The following MAGI1 variants were observed in gnomAD, a reference collection of about 807,000 sequenced individuals.
The protein encoded by MAGI1 is membrane associated guanylate kinase, WW and PDZ domain containing 1.
MAGI1 carries 58 observed loss-of-function variants against 139.9 expected under a neutral mutation model. That is an observed-to-expected ratio of 0.41 (90% CI 0.34 to 0.52). The LOEUF (loss-of-function observed/expected upper bound fraction) is 0.52, where lower values mean the gene tolerates loss of function less well. MAGI1 is among the 20% of genes least tolerant of loss of function. The probability of loss-of-function intolerance (pLI) is 0.12; values close to 1 mark genes in which losing one functional copy is unlikely to be tolerated. For synonymous variants in MAGI1, 812 were observed against 737.9 expected (o/e 1.10, Z -1.63); for missense variants, 1,874 against 1,901.6 (o/e 0.99, Z 0.27).
At chr3:65,931,723 T>TA (rs1369543316) in intron 1 of MAGI1, among the ~76,000 whole-genome samples, 18 of 151,994 alleles carry the variant, frequency 1.2e-4, no homozygotes, top group Non-Finnish European at 2.5e-4. Flanking sequence ...TATTACAGGG[T>TA]AAAAAAACAG....
chr3:65,952,253 C>T (rs945639380), intron 1 of MAGI1, among the ~76,000 whole-genome samples: 2 of 152,096 alleles, frequency 1.3e-5, no homozygotes, highest in African/African-American at 2.4e-5. Flanking sequence ...AAAGATGACC[C>T]CCATCCTTAG....
chr3:65,886,923 T>C (rs2060556846), intron 1 of MAGI1, among the ~76,000 whole-genome samples: 1 of 152,222 alleles, frequency 6.6e-6, no homozygotes, highest in South Asian at 2.1e-4. Flanking sequence ...TACACATCTC[T>C]TCTCCAAAAA....
intron 1 of MAGI1, among the ~76,000 whole-genome samples, chr3:65,944,600 G>T (rs145997543): frequency 1.2e-4 from 19 of 152,174 alleles, no homozygotes; most frequent in African/African-American, 4.1e-4. Flanking sequence ...AGGAAAGGAA[G>T]AGCAAAAGAG....
chr3:65,947,105 AATAACATCTC>A (rs1472760617), intron 1 of MAGI1, among the ~76,000 whole-genome samples: 1 of 152,224 alleles, frequency 6.6e-6, no homozygotes, highest in Non-Finnish European at 1.5e-5. Flanking sequence ...CTTATAAACA[AATAACATCTC>A]ATCCTCATTG....
At chr3:65,972,031 G>A (rs1256461868) in intron 1 of MAGI1, among the ~76,000 whole-genome samples, 1 of 152,202 alleles carries the variant, frequency 6.6e-6, no homozygotes, top group Non-Finnish European at 1.5e-5. Context: ...GACTATTCTA[G>A]GAAATAAGAA....
chr3:65,728,357 G>A (rs139803460), intron 1 of MAGI1, among the ~76,000 whole-genome samples: 191 of 152,328 alleles, frequency 1.3e-3, no homozygotes, highest in Non-Finnish European at 2.5e-3. Flanking sequence ...GACAGACCAC[G>A]TGGGATCATA....
At chr3:65,572,210 AC>A (rs1265003764) in intron 2 of MAGI1, among the ~76,000 whole-genome samples, 1 of 152,128 alleles carries the variant, frequency 6.6e-6, no homozygotes, top group Non-Finnish European at 1.5e-5. Context: ...TATCAATATC[AC>A]CCTATAGAAA....
intron 1 of MAGI1, among the ~76,000 whole-genome samples, chr3:65,859,799 C>A (rs1346134828): frequency 6.6e-6 from 1 of 151,956 alleles, no homozygotes; most frequent in African/African-American, 2.4e-5. Context: ...ACAGGAGATT[C>A]CAGTCTACCT....
At chr3:65,636,907 C>A (rs1455908742) in intron 1 of MAGI1, among the ~76,000 whole-genome samples, 1 of 152,092 alleles carries the variant, frequency 6.6e-6, no homozygotes, top group Non-Finnish European at 1.5e-5. Context: ...CCCAGCCGAC[C>A]AAATCTTATC....
chr3:65,907,692 T>C (rs1417777425), intron 1 of MAGI1: 1 of 152,148 alleles, frequency 6.6e-6, no homozygotes, highest in Non-Finnish European at 1.5e-5. Flanking sequence ...TCATTCAGAG[T>C]TGCCATAGCT....
intron 1 of MAGI1, among the ~76,000 whole-genome samples, chr3:65,704,987 G>C (rs1443341553): frequency 6.6e-6 from 1 of 151,954 alleles, no homozygotes; most frequent in Non-Finnish European, 1.5e-5. Context: ...AATTAAAAAT[G>C]GCTCTGCCTG....
chr3:65,658,540 G>A (rs146800923), intron 1 of MAGI1, among the ~76,000 whole-genome samples: 242 of 152,198 alleles, frequency 1.6e-3, no homozygotes, highest in African/African-American at 5.3e-3. Flanking sequence ...ATGTTAATAC[G>A]CATCTCAATT....
intron 1 of MAGI1, among the ~76,000 whole-genome samples, chr3:65,766,333 A>G (rs142115018): frequency 6.6e-6 from 1 of 152,282 alleles, no homozygotes; most frequent in African/African-American, 2.4e-5. Context: ...AACAGCTAGA[A>G]TATACCCAAG....
intron 1 of MAGI1, among the ~76,000 whole-genome samples, chr3:66,028,751 G>A (rs575607447): frequency 1.8e-4 from 28 of 152,210 alleles, no homozygotes; most frequent in Admixed American, 5.2e-4. Context: ...TCAAACCTCC[G>A]TGAGGTCCGG....
chr3:65,725,423 A>G (rs979433175), intron 1 of MAGI1, among the ~76,000 whole-genome samples: 1 of 152,156 alleles, frequency 6.6e-6, no homozygotes, highest in Non-Finnish European at 1.5e-5. Flanking sequence ...TTCTTATTAT[A>G]CCACCCCCCA....
intron 1 of MAGI1, among the ~76,000 whole-genome samples, chr3:65,902,324 T>A (rs549368396): frequency 1.3e-5 from 2 of 152,248 alleles, no homozygotes; most frequent in East Asian, 3.9e-4. Context: ...CTGCTCCCAG[T>A]CTGAATGCAA....
intron 18 of MAGI1, among the ~76,000 whole-genome samples, chr3:65,366,451 T>C (rs902716372): frequency 3.4e-4 from 52 of 152,188 alleles, no homozygotes; most frequent in African/African-American, 1.3e-3. Context: ...TTACCAATCA[T>C]TTCCTATGCA....
chr3:65,489,253 A>G (rs928022805), intron 3 of MAGI1, among the ~76,000 whole-genome samples: 2 of 152,216 alleles, frequency 1.3e-5, no homozygotes, highest in African/African-American at 4.8e-5. Context: ...AAAATAATTA[A>G]TTAAAAAACA....
intron 2 of MAGI1, among the ~76,000 whole-genome samples, chr3:65,538,465 T>C (rs2079058794): frequency 1.3e-5 from 2 of 152,202 alleles, no homozygotes; most frequent in African/African-American, 4.8e-5. Context: ...TCTCATGTGT[T>C]CAGCATTTTC....
Sources: allele counts gnomAD v4.1 joint callset (sites outside exome capture counted in the v4.1 genomes callset), GRCh38; gene constraint gnomAD v4.1.1; transcripts MANE v1.5; gene names NCBI Gene and HGNC (gene_info 2026-07-23, HGNC 2026-07-21).